MAD1L1: variants seen among roughly 807,000 people sequenced by gnomAD.
MAD1L1 encodes the protein mitotic spindle assembly checkpoint protein MAD1.
A neutral mutation model predicts 96.9 loss-of-function variants in MAD1L1; 95 were observed. That is an observed-to-expected ratio of 0.98 (90% CI 0.83 to 1.16). The LOEUF (loss-of-function observed/expected upper bound fraction) is 1.16. Among genes scored for constraint, MAD1L1 ranks in the 50% most tolerant of loss-of-function variants. The probability of loss-of-function intolerance (pLI) is 0.00; values close to 1 mark genes in which losing one functional copy is unlikely to be tolerated. For missense variants in MAD1L1, 1,007 were observed against 954.4 expected (o/e 1.06, Z -0.73); for synonymous variants, 473 against 396.6 (o/e 1.19, Z -2.29).
At chr7:1,844,143 G>C (rs1783449401) in intron 18 of MAD1L1, 1 of 154,550 alleles carries the variant, frequency 6.5e-6, no homozygotes, top group South Asian at 2.0e-4. Flanking sequence ...ACACACGGCT[G>C]AACCGCTTAA....
Position 2,219,409 on chromosome 7 carries a change from C to G in MAD1L1, c.519G>C (p.Val173=), listed in dbSNP as rs1240201736. 7 of 1,613,026 alleles carry G rather than the reference C, an allele frequency of 4.3e-6. No homozygotes were observed. Among genetic ancestry groups the G allele is most frequent in the Non-Finnish European group, 5.9e-6 (7 of 1,179,644 alleles). The change falls in exon 6 of 19, where the codon GTG becomes GTC. Residue 173 remains valine, a synonymous_variant. Coordinates refer to ENST00000265854, the MANE Select transcript of MAD1L1 (RefSeq NM_001013836.2). ...GCTTCACCCGCATCTCCTGGTCCAT[C>G]ACGCTCCACTGCAGTTCCGAGATCC... is the stretch of plus-strand genomic sequence containing the variant. The part of the protein sequence containing the change: ...KGRISELQWS[V]MDQEMRVKRL...
rs1406022458 is a variant in MAD1L1 at position 2,226,648 on chromosome 7, T to C, written c.151-1098A>G. Among the ~76,000 whole-genome samples, 3 of 152,196 alleles carry C rather than the reference T, an allele frequency of 2.0e-5. No individual in the cohort carries two copies. In the East Asian group the frequency reaches 5.8e-4, roughly 29 times the overall value. On this transcript the variant is annotated intron_variant, in intron 3 of 18. Coordinates refer to ENST00000265854, the MANE Select transcript of MAD1L1 (RefSeq NM_001013836.2). ...CTTGCAGTGCAGCATCTCCCGGCAC[T>C]TAACAAATGCAGAGTCGCAGACTAC...
chr7:2,074,863 G>A (rs1206878097), intron 11 of MAD1L1, among the ~76,000 whole-genome samples: 2 of 152,172 alleles, frequency 1.3e-5, no homozygotes, highest in African/African-American at 4.8e-5. Context: ...GAGGGGTGGC[G>A]GGACAGCCTG....
At chr7:2,082,551 G>A (rs1221604281) in intron 11 of MAD1L1, among the ~76,000 whole-genome samples, 3 of 152,232 alleles carry the variant, frequency 2.0e-5, no homozygotes, top group African/African-American at 7.2e-5. Flanking sequence ...GGTCTGGTGT[G>A]GGAGTGCAGC....
chr7:1,904,243 A>G (rs1428785777), intron 17 of MAD1L1, among the ~76,000 whole-genome samples: 2 of 133,638 alleles, frequency 1.5e-5, no homozygotes, highest in African/African-American at 7.1e-5. Flanking sequence ...CTCTTGCGGA[A>G]CTCATGATTG....
intron 10 of MAD1L1, 34 bp from the exon 11 acceptor site, chr7:2,149,272 T>C: frequency 1.9e-6 from 3 of 1,558,736 alleles, no homozygotes; most frequent in Non-Finnish European, 2.7e-6. Flanking sequence ...CAGTTCCAGC[T>C]GTCCCCGAGA....
intron 12 of MAD1L1, among the ~76,000 whole-genome samples, chr7:2,033,094 C>T (rs1018820829): frequency 2.6e-5 from 4 of 152,246 alleles, no homozygotes; most frequent in African/African-American, 7.2e-5. Context: ...CGCAGAACTC[C>T]GAGAGCTCAC....
intron 12 of MAD1L1, among the ~76,000 whole-genome samples, chr7:2,024,618 C>T (rs1782922766): frequency 6.6e-6 from 1 of 152,192 alleles, no homozygotes; most frequent in Non-Finnish European, 1.5e-5. Flanking sequence ...GGCAAGTTCC[C>T]CTAATAAACG....
intron 14 of MAD1L1, among the ~76,000 whole-genome samples, chr7:1,992,634 C>T (rs1781401609): frequency 6.6e-6 from 1 of 152,210 alleles, no homozygotes; most frequent in Admixed American, 6.5e-5. Context: ...CTGAGGCCAC[C>T]TCCTGTCCCT....
chr7:2,094,662 G>A (rs757528774), intron 11 of MAD1L1, among the ~76,000 whole-genome samples: 12 of 151,800 alleles, frequency 7.9e-5, no homozygotes, highest in Non-Finnish European at 1.6e-4. Flanking sequence ...GAGCGGGGCT[G>A]GCAGGTGAGA....
chr7:2,232,129 G>T (rs1043722293), intron 1 of MAD1L1, among the ~76,000 whole-genome samples: 12 of 152,228 alleles, frequency 7.9e-5, no homozygotes, highest in Admixed American at 3.3e-4. Flanking sequence ...CGCTTACTAT[G>T]GGCTCATGGC....
chr7:2,110,951 A>C (rs1787346954), intron 11 of MAD1L1, among the ~76,000 whole-genome samples: 1 of 151,970 alleles, frequency 6.6e-6, no homozygotes, highest in Non-Finnish European at 1.5e-5. Flanking sequence ...AGCTCACTAC[A>C]TCCCTGGCTT....
At chr7:1,944,649 C>T (rs1779147599) in intron 16 of MAD1L1, among the ~76,000 whole-genome samples, 1 of 152,190 alleles carries the variant, frequency 6.6e-6, no homozygotes, top group African/African-American at 2.4e-5. Flanking sequence ...TGAAGGGGAT[C>T]CCTGCCCCCA....
intron 11 of MAD1L1, among the ~76,000 whole-genome samples, chr7:2,135,802 G>A (rs191977339): frequency 1.4e-4 from 22 of 152,342 alleles, no homozygotes; most frequent in Non-Finnish European, 2.5e-4. Context: ...ACTCATGAAG[G>A]GAGCAACGGC....
At chr7:1,947,175 C>T (rs1303440453) in intron 16 of MAD1L1, among the ~76,000 whole-genome samples, 1 of 152,208 alleles carries the variant, frequency 6.6e-6, no homozygotes, top group East Asian at 1.9e-4. Context: ...CGTGCAGGAG[C>T]TGGGTGCCAT....
chr7:1,830,625 A>G (rs1782656437), intron 18 of MAD1L1, among the ~76,000 whole-genome samples: 2 of 152,250 alleles, frequency 1.3e-5, no homozygotes, highest in African/African-American at 4.8e-5. Context: ...CAGATGACTA[A>G]GGCAGGAAGG....
intron 11 of MAD1L1, among the ~76,000 whole-genome samples, chr7:2,126,772 A>G (rs951201237): frequency 2.0e-5 from 3 of 152,190 alleles, no homozygotes; most frequent in Non-Finnish European, 4.4e-5. Flanking sequence ...ACCTGTCGTC[A>G]ACCCTGCAGT....
At chr7:1,921,670 C>T (rs1414560655) in intron 17 of MAD1L1, among the ~76,000 whole-genome samples, 1 of 151,798 alleles carries the variant, frequency 6.6e-6, no homozygotes, top group Admixed American at 6.6e-5. Context: ...GTAAGAAAAC[C>T]TTTAAGTCAA....
At chr7:2,123,838 A>G (rs1157143141) in intron 11 of MAD1L1, among the ~76,000 whole-genome samples, 5 of 152,246 alleles carry the variant, frequency 3.3e-5, no homozygotes, top group African/African-American at 1.2e-4. Context: ...CACTCAAGCC[A>G]GAAATAAATA....
Sources: allele counts gnomAD v4.1 joint callset (sites outside exome capture counted in the v4.1 genomes callset), GRCh38; gene constraint gnomAD v4.1.1; transcripts MANE v1.5; gene names NCBI Gene and HGNC (gene_info 2026-07-23, HGNC 2026-07-21).